Variants in TRPV4 observed in about 807,000 individuals in gnomAD.
The protein encoded by TRPV4 is OSM9-like transient receptor potential channel 4.
TRPV4 carries 58 observed loss-of-function variants against 84.1 expected under a neutral mutation model. The observed-to-expected ratio is 0.69, with a 90% CI of 0.56 to 0.86. The LOEUF (loss-of-function observed/expected upper bound fraction) is 0.86. TRPV4 is among the 40% of genes least tolerant of loss of function. TRPV4 has a pLI of 0.00. For synonymous variants in TRPV4, 489 were observed against 500.9 expected (o/e 0.98, Z 0.32); for missense variants, 879 against 1,181.1 (o/e 0.74, Z 3.75).
intron 1 of TRPV4, among the ~76,000 whole-genome samples, chr12:109,826,171 G>A (rs1407160485): frequency 6.6e-6 from 1 of 152,134 alleles, no homozygotes; most frequent in Non-Finnish European, 1.5e-5. Context: ...CCACAGGCAT[G>A]TACCACCATT....
At chr12:109,813,985 T>C (rs1209607006) in intron 2 of TRPV4, among the ~76,000 whole-genome samples, 2 of 151,554 alleles carry the variant, frequency 1.3e-5, no homozygotes, top group African/African-American at 4.9e-5. Context: ...GGATGGATGA[T>C]GGATGATGGA....
chr12:109,791,573 C>A lies in TRPV4; in HGVS notation c.1891+790G>T, dbSNP rs959317466. Among the ~76,000 whole-genome samples, 9 of 150,014 alleles carry A rather than the reference C, an allele frequency of 6.0e-5. No individual in the cohort carries two copies. In the East Asian group the frequency reaches 8.2e-4, roughly 14 times the overall value. Reference sequence around the variant, plus strand: ...TCTTGGCTTACTGCAACCTCCACCCCCTGGGTTCAAGCGATTCTTGTGCCT... The same window carrying A: ...TCTTGGCTTACTGCAACCTCCACCCACTGGGTTCAAGCGATTCTTGTGCCT... On this transcript the variant is annotated intron_variant, in intron 12 of 15. Coordinates refer to ENST00000261740, the MANE Select transcript of TRPV4 (RefSeq NM_021625.5).
At position 109,794,487 on chromosome 12, in the gene TRPV4, T is replaced by C. The variant is rs1342697211; in HGVS notation, c.1333A>G (p.Asn445Asp). 1.2e-6 allele frequency: 2 copies of C among 1,613,562 alleles called. No individual in the cohort carries two copies. The highest frequency in any genetic ancestry group is 1.3e-5 in the African/African-American group (1 of 74,852). The change falls in exon 8 of 16, where the codon AAC becomes GAC. Residue 445 changes from asparagine (N) to aspartate (D), a missense_variant and splice_region_variant. By Grantham distance (23) the Asn-to-Asp change is conservative. Around this residue, in one of 4 missense-constraint regions of TRPV4, gnomAD observed 521 missense variants for 686.6 expected, o/e 0.76. Coordinates refer to ENST00000261740, the MANE Select transcript of TRPV4 (RefSeq NM_021625.5). ...EILVYNSKIE[N>D]RHEMLAVEPI... The stretch of plus-strand genomic sequence containing the variant: ...TCCACAGCCAGCATCTCGTGGCGGT[T>C]CTAAGAGAGGCAGGGTGGTCGGGGG...
Position 109,798,392 on chromosome 12 carries a change from G to A in TRPV4, c.1152+222C>T, listed in dbSNP as rs927647482. On this transcript the variant is annotated intron_variant, in intron 6 of 15. Transcript: ENST00000261740. The surrounding 1 kb of genome is among the most constrained non-coding windows in gnomAD (Gnocchi z 5.0). ...GTGGGGGTGGAGTGGTGAACATCCA[G>A]TAGGGTGACATGAGGCGAGAGGCTC... Among the ~76,000 whole-genome samples the A allele has an allele frequency of 1.3e-5, 2 of 152,222 alleles. No individual in the cohort carries two copies. The highest frequency in any genetic ancestry group is 2.4e-5 in the African/African-American group (1 of 41,458).
chr12:109,790,619 G>A (rs895236190), intron 12 of TRPV4, among the ~76,000 whole-genome samples: 195 of 152,032 alleles, frequency 1.3e-3, no homozygotes, highest in Non-Finnish European at 2.4e-3. Flanking sequence ...GCAGTGGCTC[G>A]CGCCTATAAT....
At chr12:109,822,633 C>T (rs976059239) in intron 1 of TRPV4, among the ~76,000 whole-genome samples, 8 of 152,108 alleles carry the variant, frequency 5.3e-5, no homozygotes, top group Admixed American at 2.0e-4. Flanking sequence ...TTTACAAAGA[C>T]AAGGGAACTC....
chr12:109,808,377 G>A lies in TRPV4; in HGVS notation c.478C>T (p.Arg160Trp), dbSNP rs780102339. 19 of 1,614,072 alleles carry A rather than the reference G, an allele frequency of 1.2e-5. No individual in the cohort carries two copies. The highest frequency in any genetic ancestry group is 5.0e-5 in the Admixed American group (3 of 59,994). Reference protein sequence around the residue: ...NRPILFDIVSRGSTADLDGLL... With the variant: ...NRPILFDIVSWGSTADLDGLL... ...CCGTCCAGGTCAGCAGTGGAGCCCC[G>A]GGACACGATGTCAAAGAGGATAGGC... The change falls in exon 3 of 16, where the codon CGG becomes TGG. Residue 160 changes from arginine (R) to tryptophan (W), a missense_variant. Arg to Trp is a moderately radical substitution (Grantham distance 101). Around this residue, in one of 4 missense-constraint regions of TRPV4, gnomAD observed 521 missense variants for 686.6 expected, o/e 0.76. Coordinates refer to ENST00000261740, the MANE Select transcript of TRPV4 (RefSeq NM_021625.5).
chr12:109,822,188 T>C (rs796455062), intron 1 of TRPV4, among the ~76,000 whole-genome samples: 3 of 31,764 alleles, frequency 9.4e-5, no homozygotes, highest in African/African-American at 3.8e-4. Context: ...GCAGAAGAGA[T>C]GGGTGAGTGG....
chr12:109,808,895 T>C (rs1164885988), intron 2 of TRPV4, among the ~76,000 whole-genome samples: 1 of 147,140 alleles, frequency 6.8e-6, no homozygotes, highest in East Asian at 2.1e-4. Flanking sequence ...CCATCACTCA[T>C]CCATCCATCT....
At chr12:109,810,085 A>C (rs1459178345) in intron 2 of TRPV4, among the ~76,000 whole-genome samples, 1 of 152,222 alleles carries the variant, frequency 6.6e-6, no homozygotes, top group East Asian at 1.9e-4. Flanking sequence ...GAAAGGAAGG[A>C]AACAGACACT....
In TRPV4 at chr12:109,792,809, T is replaced by A. The variant is rs1283175281; in HGVS notation, c.1667A>T (p.Tyr556Phe). The A allele has an allele frequency of 6.2e-7, 1 of 1,612,860 alleles. No individual in the cohort carries two copies. The highest frequency in any genetic ancestry group is 8.5e-7 in the Non-Finnish European group (1 of 1,179,822). Residue 556 changes from tyrosine to phenylalanine, a missense_variant, in exon 11 of 16, where the codon TAC becomes TTC. Tyr to Phe is a conservative substitution (Grantham distance 22). Transcript: ENST00000261740. ...DGSFQLLYFIYSVLVIVSAAL... is the reference protein window; with the variant it reads ...DGSFQLLYFIFSVLVIVSAAL... ...TGCTGAGACGATCACCAGGACAGAG[T>A]AGATGAAGCTGCAGTGCAGCAGAGA... is the stretch of plus-strand genomic sequence containing the variant.
Position 109,798,511 on chromosome 12 carries a change from G to T in TRPV4, c.1152+103C>A. On this transcript the variant is annotated intron_variant, in intron 6 of 15. Transcript: ENST00000261740. This position sits in a 1 kb window ranked among gnomAD's most constrained non-coding sequence, Gnocchi z 5.0. ...CACACTGGGGTTGGCATGTTGGGAG[G>T]TGCATGCACGTATTAATAATGAATA... The T allele has an allele frequency of 7.0e-7, 1 of 1,420,614 alleles. No individual in the cohort carries two copies. Among genetic ancestry groups the T allele is most frequent in the Non-Finnish European group, 9.7e-7 (1 of 1,035,190 alleles). 88.0% of individuals were successfully genotyped at this position (1,420,614 alleles called of 1,614,324 possible).
At chr12:109,820,514 CTATTTTT>C (rs1325515236) in intron 1 of TRPV4, among the ~76,000 whole-genome samples, 2 of 123,078 alleles carry the variant, frequency 1.6e-5, no homozygotes, top group Non-Finnish European at 1.7e-5. Flanking sequence ...TTCAGCTGCC[CTATTTTT>C]TTTTTTTTTT....
At chr12:109,799,453 A>G (rs1890638770) in intron 5 of TRPV4, among the ~76,000 whole-genome samples, 1 of 152,096 alleles carries the variant, frequency 6.6e-6, no homozygotes, top group African/African-American at 2.4e-5. Context: ...CCAGCTGATG[A>G]TGGAATTCTT....
Position 109,796,963 on chromosome 12 carries a change from C to T in TRPV4, c.1153-259G>A, listed in dbSNP as rs1184837318. Among the ~76,000 whole-genome samples the T allele has an allele frequency of 6.6e-6, 1 of 152,186 alleles. No individual in the cohort carries two copies. Among genetic ancestry groups the T allele is most frequent in the African/African-American group, 2.4e-5 (1 of 41,444 alleles). On this transcript the variant is annotated intron_variant, in intron 6 of 15. Transcript: ENST00000261740. The surrounding 1 kb of genome is among the most constrained non-coding windows in gnomAD (Gnocchi z 4.2). ...CAGAACCTGGATGAGCCTTCAACAT[C>T]TTAATTGTAATGAATATCTTCTTCA...
rs762675260 is a variant in TRPV4, at chr12:109,792,733, G to A, written c.1743C>T (p.Ala581=). The change falls in exon 11 of 16, where the codon GCC becomes GCT. Residue 581 remains alanine (A), a synonymous_variant. Coordinates refer to ENST00000261740, the MANE Select transcript of TRPV4 (RefSeq NM_021625.5). ...GGGCATTCATCCAGCCCAGGACCAG[G>A]GCAAAGACCATCACGGCCAGGTAGG... ...IEAYLAVMVF[A]LVLGWMNALY... The A allele has an allele frequency of 6.2e-7, 1 of 1,614,136 alleles. No homozygotes were observed. The highest frequency in any genetic ancestry group is 1.1e-5 in the South Asian group (1 of 91,084).
At chr12:109,807,393 C>CCTTTTTTTT (rs1891214930) in intron 3 of TRPV4, among the ~76,000 whole-genome samples, 1 of 135,120 alleles carries the variant, frequency 7.4e-6, no homozygotes, top group African/African-American at 2.8e-5. Context: ...TATCACAATT[C>CCTTTTTTTT]TTTTTTTTTT....
At position 109,815,327 on chromosome 12, in the gene TRPV4, C is replaced by T. The variant is rs542308801; in HGVS notation, c.-31-500G>A. ...GGCCAGTGCAGTGCAGTGCCTGGCA[C>T]GTGGTAAGCACCTGCTAAGGCAGAA... On this transcript the variant is annotated intron_variant, in intron 1 of 15. Transcript: ENST00000261740. This position sits in a 1 kb window ranked among gnomAD's most constrained non-coding sequence, Gnocchi z 4.1. Among the ~76,000 whole-genome samples, 3 of 152,346 alleles carry T rather than the reference C, an allele frequency of 2.0e-5. No individual in the cohort carries two copies. The highest frequency in any genetic ancestry group is 2.1e-4 in the South Asian group (1 of 4,830).
chr12:109,828,788 G>A (rs1291551607), intron 1 of TRPV4, among the ~76,000 whole-genome samples: 1 of 152,130 alleles, frequency 6.6e-6, no homozygotes, highest in African/African-American at 2.4e-5. Flanking sequence ...GAGCCAGCTG[G>A]GCATCCCTGG....
Sources: allele counts gnomAD v4.1 joint callset (sites outside exome capture counted in the v4.1 genomes callset), GRCh38; gene constraint gnomAD v4.1.1; regional missense constraint gnomAD v4.1.1; non-coding constraint Gnocchi (gnomAD v3.1); transcripts MANE v1.5; gene names NCBI Gene and HGNC (gene_info 2026-07-23, HGNC 2026-07-21).